Variants in AP2S1 observed in about 807,000 individuals in gnomAD.
The protein encoded by AP2S1 is adaptor related protein complex 2 subunit sigma 1.
A neutral mutation model predicts 21.0 loss-of-function variants in AP2S1; 6 were observed. That is an observed-to-expected ratio of 0.29 (90% CI 0.16 to 0.56). The LOEUF is 0.56. Among genes scored for constraint, AP2S1 ranks in the 20% least tolerant of loss-of-function variants. AP2S1 has a pLI of 0.92. For missense variants in AP2S1, 60 were observed against 186.2 expected, an observed-to-expected ratio of 0.32 and a Z score of 3.95; for synonymous variants, 63 against 74.6, an observed-to-expected ratio of 0.84 and a Z score of 0.80.
intron 1 of AP2S1, among the ~76,000 whole-genome samples, chr19:46,847,166 A>C (rs1355192352): frequency 1.3e-5 from 2 of 152,078 alleles, no homozygotes; most frequent in African/African-American, 4.8e-5. Flanking sequence ...ATCCACTTAA[A>C]ATGTAGACAG....
In AP2S1 at chr19:46,839,449, C is replaced by T; in HGVS notation, c.267+16G>A. On this transcript the variant is annotated intron_variant, in intron 3 of 4. Coordinates refer to ENST00000263270, the MANE Select transcript of AP2S1 (RefSeq NM_004069.6). ...GCCCACCCGCCTCCCCACCTTACAT[C>T]CCTCTCCCGCCGTACCTCCACGAAG... is the stretch of plus-strand genomic sequence containing the variant. 1.3e-6 allele frequency: 1 copy of T among 791,742 alleles called. No homozygotes were observed. The highest frequency in any genetic ancestry group is 2.2e-6 in the Non-Finnish European group (1 of 464,802). 49.0% of individuals were successfully genotyped at this position (791,742 alleles called of 1,614,324 possible).
At chr19:46,845,060 T>C (rs1230734058) in intron 2 of AP2S1, among the ~76,000 whole-genome samples, 5 of 141,200 alleles carry the variant, frequency 3.5e-5, no homozygotes, top group Admixed American at 2.2e-4. Context: ...ATTGCCCCCA[T>C]TGCACTCCAG....
At chr19:46,841,361 C>T (rs978113629) in intron 2 of AP2S1, among the ~76,000 whole-genome samples, 1 of 152,206 alleles carries the variant, frequency 6.6e-6, no homozygotes, top group African/African-American at 2.4e-5. Flanking sequence ...CTGGCTCTCA[C>T]CCTCCTCCGC....
At chr19:46,842,616 T>C (rs920394545) in intron 2 of AP2S1, among the ~76,000 whole-genome samples, 9 of 152,114 alleles carry the variant, frequency 5.9e-5, no homozygotes, top group African/African-American at 1.2e-4. Flanking sequence ...CCCTGTATCA[T>C]TGGGCCTCAC....
At chr19:46,848,532 C>A (rs926616880) in intron 1 of AP2S1, among the ~76,000 whole-genome samples, 7 of 152,138 alleles carry the variant, frequency 4.6e-5, no homozygotes, top group Admixed American at 2.6e-4. Flanking sequence ...GTTCTGGGCC[C>A]ATTTCTGTCT....
At chr19:46,845,654 CA>C (rs35438658) in intron 2 of AP2S1, 951 of 160,068 alleles carry the variant, frequency 5.9e-3, no homozygotes, top group South Asian at 0.011. Flanking sequence ...AAAATTTGAC[CA>C]AAAAAAAAAA....
intron 1 of AP2S1, among the ~76,000 whole-genome samples, chr19:46,846,921 C>A (rs1293669388): frequency 6.6e-6 from 1 of 152,160 alleles, no homozygotes; most frequent in East Asian, 1.9e-4. Flanking sequence ...CCGCCTCTGC[C>A]TCCCAAAGTG....
chr19:46,843,489 C>T (rs1039193934), intron 2 of AP2S1, among the ~76,000 whole-genome samples: 3 of 152,062 alleles, frequency 2.0e-5, no homozygotes, highest in African/African-American at 4.8e-5. Flanking sequence ...TGGGAAGCTG[C>T]GGTGGGCGGA....
chr19:46,847,560 C>A (rs187990463), intron 1 of AP2S1, among the ~76,000 whole-genome samples: 1 of 152,106 alleles, frequency 6.6e-6, no homozygotes, highest in East Asian at 1.9e-4. Context: ...AGAACATTTT[C>A]ATCATCTCCC....
At chr19:46,849,464 A>G (rs1406071626) in intron 1 of AP2S1, among the ~76,000 whole-genome samples, 1 of 152,106 alleles carries the variant, frequency 6.6e-6, no homozygotes, top group Non-Finnish European at 1.5e-5. Flanking sequence ...GCAGGAAGGG[A>G]CGTTGGGGGG....
rs1469258187 is a variant in AP2S1 at position 46,838,212 on chromosome 19, T to C, written c.*235A>G. 5.3e-6 allele frequency: 3 copies of C among 568,852 alleles called. No individual in the cohort carries two copies. Among genetic ancestry groups the C allele is most frequent in the Non-Finnish European group, 9.5e-6 (3 of 316,274 alleles). The allele number at this position is 568,852 out of a possible 1,614,324, so 35.2% of individuals were successfully genotyped here. On this transcript the variant is annotated 3_prime_UTR_variant, in exon 5 of 5. Transcript: ENST00000263270. This position sits in a 1 kb window ranked among gnomAD's most constrained non-coding sequence, Gnocchi z 4.1. ...TATTGGGGACTCCACGCACAGACGC[T>C]TATGGCATCACACGACAACGGCACG...
chr19:46,840,624 T>C (rs902429105), intron 2 of AP2S1, among the ~76,000 whole-genome samples: 1 of 151,700 alleles, frequency 6.6e-6, no homozygotes, highest in Non-Finnish European at 1.5e-5. Context: ...CGGGAGACCC[T>C]GTCTCAAAAA....
At chr19:46,839,336 A>T in intron 3 of AP2S1, 129 bp downstream of exon 3, 1 of 792,954 alleles carries the variant, frequency 1.3e-6, no homozygotes, top group South Asian at 2.1e-5. Context: ...AAAAAAAGAA[A>T]TGGAGAGGGA....
intron 2 of AP2S1, among the ~76,000 whole-genome samples, chr19:46,843,034 G>A (rs533648188): frequency 6.6e-6 from 1 of 152,028 alleles, no homozygotes; most frequent in Non-Finnish European, 1.5e-5. Context: ...GATACTCGGG[G>A]CCAGACCCCC....
At chr19:46,845,854 C>A in intron 2 of AP2S1, 139 bp downstream of exon 2, 2 of 1,103,878 alleles carry the variant, frequency 1.8e-6, no homozygotes, top group South Asian at 3.2e-5. Flanking sequence ...AAGAAGCAAG[C>A]AAGCTCAAAG....
At chr19:46,849,622 T>G (rs2055702140) in intron 1 of AP2S1, among the ~76,000 whole-genome samples, 1 of 152,070 alleles carries the variant, frequency 6.6e-6, no homozygotes, top group South Asian at 2.1e-4. Flanking sequence ...TTCTTCCCAT[T>G]TGGAATCTCA....
At chr19:46,848,027 G>A (rs542274130) in intron 1 of AP2S1, among the ~76,000 whole-genome samples, 23 of 152,108 alleles carry the variant, frequency 1.5e-4, no homozygotes, top group Non-Finnish European at 3.1e-4. Flanking sequence ...CCACTTTCAT[G>A]ACTTAACTTT....
intron 2 of AP2S1, among the ~76,000 whole-genome samples, chr19:46,843,971 C>T (rs1347100052): frequency 6.6e-6 from 1 of 152,038 alleles, no homozygotes; most frequent in Admixed American, 6.6e-5. Flanking sequence ...AGTGCAATGG[C>T]ACGATCTCGG....
intron 2 of AP2S1, among the ~76,000 whole-genome samples, chr19:46,840,569 G>A (rs1055228130): frequency 6.6e-6 from 1 of 151,752 alleles, no homozygotes; most frequent in Non-Finnish European, 1.5e-5. Flanking sequence ...GAGCCTGGGA[G>A]GTCAAAGCTG....
Sources: allele counts gnomAD v4.1 joint callset (sites outside exome capture counted in the v4.1 genomes callset), GRCh38; gene constraint gnomAD v4.1.1; non-coding constraint Gnocchi (gnomAD v3.1); transcripts MANE v1.5; gene names NCBI Gene and HGNC (gene_info 2026-07-23, HGNC 2026-07-21).